Variants in FRMPD4 observed in about 807,000 individuals in gnomAD.
FRMPD4 encodes the protein FERM and PDZ domain containing 4.
A neutral mutation model predicts 94.1 loss-of-function variants in FRMPD4; 22 were observed. That is an observed-to-expected ratio of 0.23 (90% CI 0.17 to 0.33). The LOEUF is 0.33. Ranked by LOEUF, FRMPD4 falls within the 10% of genes least tolerant of loss-of-function variation. The pLI is 1.00. For synonymous variants in FRMPD4, 631 were observed against 548.6 expected, an observed-to-expected ratio of 1.15 and a Z score of -2.10; for missense variants, 1,111 against 1,339.9, an observed-to-expected ratio of 0.83 and a Z score of 2.67.
intron 3 of FRMPD4, among the ~76,000 whole-genome samples, chrX:12,092,692 G>A (rs2055164235): frequency 8.9e-6 from 1 of 111,765 alleles, no homozygotes; most frequent in Admixed American, 9.5e-5. Context: ...TGATGCCTTA[G>A]TTGTGTTCAT....
At chrX:12,518,649 G>T (rs1479119809) in intron 2 of FRMPD4, among the ~76,000 whole-genome samples, 1 of 111,680 alleles carries the variant, frequency 9.0e-6, no homozygotes, top group African/African-American at 3.3e-5. Flanking sequence ...TCTAGGATTA[G>T]GAAGGTGGCA....
At chrX:12,462,329 T>C (rs1187670281) in intron 1 of FRMPD4, among the ~76,000 whole-genome samples, 2 of 112,087 alleles carry the variant, frequency 1.8e-5, no homozygotes, top group African/African-American at 6.5e-5. Flanking sequence ...CAAAACAATA[T>C]AACTCCACTG....
chrX:12,385,170 C>T (rs1457136289), intron 1 of FRMPD4, among the ~76,000 whole-genome samples: 1 of 112,453 alleles, frequency 8.9e-6, no homozygotes, highest in African/African-American at 3.2e-5. Context: ...CTTGCAGAAA[C>T]AGGTATGGAA....
At chrX:12,470,461 G>A (rs912187340) in intron 1 of FRMPD4, among the ~76,000 whole-genome samples, 3 of 111,761 alleles carry the variant, frequency 2.7e-5, no homozygotes, top group Non-Finnish European at 5.6e-5. Flanking sequence ...CTTGCATTGG[G>A]AAAACATGAA....
intron 1 of FRMPD4, among the ~76,000 whole-genome samples, chrX:12,330,810 A>G (rs2055359023): frequency 1.8e-5 from 2 of 111,420 alleles, no homozygotes; most frequent in Non-Finnish European, 3.8e-5. Flanking sequence ...TGCCCAAGGT[A>G]TACCCTCTTG....
At chrX:11,872,844 G>A (rs1270495670) in intron 2 of FRMPD4, among the ~76,000 whole-genome samples, 1 of 112,351 alleles carries the variant, frequency 8.9e-6, no homozygotes, top group Non-Finnish European at 1.9e-5. Context: ...TTACTGAAGA[G>A]CCAACAAAAG....
chrX:11,921,310 C>T (rs1434889896), intron 3 of FRMPD4, among the ~76,000 whole-genome samples: 1 of 112,147 alleles, frequency 8.9e-6, no homozygotes, highest in Non-Finnish European at 1.9e-5. Context: ...TTCACATGGC[C>T]TTTTTCTGTG....
intron 3 of FRMPD4, among the ~76,000 whole-genome samples, chrX:12,040,889 T>G (rs1239958381): frequency 9.0e-6 from 1 of 111,106 alleles, no homozygotes; most frequent in Non-Finnish European, 1.9e-5. Context: ...GTTCCTCTAT[T>G]GCTCCTTTAC....
intron 1 of FRMPD4, among the ~76,000 whole-genome samples, chrX:12,390,397 T>C (rs1052954310): frequency 5.3e-5 from 6 of 112,676 alleles, no homozygotes; most frequent in African/African-American, 1.9e-4. Flanking sequence ...ATGATCACTT[T>C]TCCTGTCAGC....
intron 9 of FRMPD4, among the ~76,000 whole-genome samples, chrX:12,699,500 C>T (rs1449914235): frequency 8.9e-6 from 1 of 112,528 alleles, no homozygotes; most frequent in Non-Finnish European, 1.9e-5. Context: ...CGTGCACGCA[C>T]GGCACAGCAC....
intron 3 of FRMPD4, among the ~76,000 whole-genome samples, chrX:12,007,078 G>C (rs145053150): frequency 1.7e-3 from 187 of 111,764 alleles, no homozygotes; most frequent in African/African-American, 5.9e-3. Context: ...AATTCATTGC[G>C]ATGCTGCTGT....
intron 3 of FRMPD4, among the ~76,000 whole-genome samples, chrX:11,892,986 T>C (rs1450206088): frequency 1.8e-5 from 2 of 112,423 alleles, no homozygotes; most frequent in African/African-American, 6.5e-5. Flanking sequence ...ACCTTGATTA[T>C]TTTATAATAA....
At chrX:12,626,271 T>C (rs1186726418) in intron 4 of FRMPD4, among the ~76,000 whole-genome samples, 1 of 104,513 alleles carries the variant, frequency 9.6e-6, no homozygotes, top group African/African-American at 3.5e-5. Flanking sequence ...GAGGCTGCAG[T>C]GAGCTATGAT....
intron 1 of FRMPD4, among the ~76,000 whole-genome samples, chrX:12,233,485 A>G (rs143469754): frequency 0.01 from 1,117 of 111,554 alleles, 14 homozygotes; most frequent in African/African-American, 0.035. Context: ...CTCTTTTATT[A>G]GGTCTTATTT....
intron 1 of FRMPD4, among the ~76,000 whole-genome samples, chrX:12,418,529 T>C (rs1334730806): frequency 5.5e-5 from 6 of 108,412 alleles, no homozygotes; most frequent in African/African-American, 2.0e-4. Flanking sequence ...CTGGCTAATT[T>C]TTGTATTTTT....
At chrX:12,208,313 A>T (rs1002135180) in intron 1 of FRMPD4, among the ~76,000 whole-genome samples, 6 of 111,340 alleles carry the variant, frequency 5.4e-5, no homozygotes, top group Non-Finnish European at 7.5e-5. Context: ...AAAGGAAAAA[A>T]AAAAGTCAAT....
At chrX:12,360,957 G>GAAAAAAA (rs71871271) in intron 1 of FRMPD4, among the ~76,000 whole-genome samples, 1 of 58,876 alleles carries the variant, frequency 1.7e-5, no homozygotes, top group Admixed American at 2.1e-4. Context: ...GCCATGAAAA[G>GAAAAAAA]AAAAAAAAAA....
At chrX:11,858,707 A>G (rs1437616279) in intron 1 of FRMPD4, among the ~76,000 whole-genome samples, 1 of 111,896 alleles carries the variant, frequency 8.9e-6, no homozygotes. Context: ...TTAAAAGTTA[A>G]GAAATAAGAA....
intron 3 of FRMPD4, among the ~76,000 whole-genome samples, chrX:12,011,829 C>A (rs2054581795): frequency 9.0e-6 from 1 of 110,751 alleles, no homozygotes; most frequent in Admixed American, 9.6e-5. Flanking sequence ...TGCTTTCAGG[C>A]AATTCTCATT....
Sources: gnomAD v4.1 joint callset for allele counts (sites outside exome capture counted in the v4.1 genomes callset) on GRCh38, gnomAD v4.1.1 for gene constraint, MANE v1.5 for transcripts, NCBI Gene and HGNC (gene_info 2026-07-23, HGNC 2026-07-21) for gene names.